Variants in ORC1 observed in about 807,000 individuals in gnomAD.
The protein encoded by ORC1 is origin recognition complex subunit 1.
Under a neutral mutation model 98.9 loss-of-function variants are expected in ORC1, and 61 were observed. The observed-to-expected ratio is 0.62, with a 90% confidence interval of 0.50 to 0.76. The LOEUF (loss-of-function observed/expected upper bound fraction) is 0.76. Among genes scored for constraint, ORC1 ranks in the 30% least tolerant of loss-of-function variants. The pLI is 0.00. For synonymous variants in ORC1, 385 were observed against 406.9 expected (o/e 0.95, Z 0.65); for missense variants, 979 against 1,072.2 (o/e 0.91, Z 1.21).
intron 6 of ORC1, 143 bp from the exon 7 acceptor site, chr1:52,389,464 A>T: frequency 1.5e-6 from 1 of 674,814 alleles, no homozygotes; most frequent in South Asian, 1.6e-5. Flanking sequence ...CTTTCTGCTA[A>T]AAAGTTGGCA....
rs61756138 is a variant in ORC1 at position 52,375,430 on chromosome 1, T to C, written c.2303A>G (p.Lys768Arg). The change falls in exon 15 of 17, where the codon AAA (lysine) becomes AGA (arginine). Residue 768 changes from lysine (K) to arginine (R), a missense_variant and splice_region_variant. By Grantham distance (26) the Lys-to-Arg change is conservative. Transcript: ENST00000371568. ...MFSSSYITAI[K>R]NSSVLEQSFL... ...AGGCTCAGGAAGTGGAGCATCTTAC[T>C]TGATGGCCGTGATGTATGATGATGA... is the stretch of plus-strand genomic sequence containing the variant. 20 of 1,614,116 alleles carry C rather than the reference T, an allele frequency of 1.2e-5. No individual in the cohort carries two copies. The Admixed American group carries it at 2.5e-4, about 20-fold the overall frequency.
chr1:52,404,632 C>A (rs948617649), upstream of ORC1: 2 of 1,151,394 alleles, frequency 1.7e-6, no homozygotes, highest in African/African-American at 1.6e-5. Flanking sequence ...TCAAGATGGT[C>A]GCCTAAGCTG....
At chr1:52,407,142 C>CA (rs1184541148), upstream of ORC1, among the ~76,000 whole-genome samples, 5 of 151,646 alleles carry the variant, frequency 3.3e-5, no homozygotes, top group Admixed American at 3.3e-4. Context: ...CTCAGCCTCC[C>CA]AAGTAGCTGG....
intron 3 of ORC1, among the ~76,000 whole-genome samples, chr1:52,398,546 G>A (rs1383759218): frequency 2.0e-5 from 3 of 151,962 alleles, no homozygotes; most frequent in Non-Finnish European, 4.4e-5. Flanking sequence ...TTACAGGCAT[G>A]AGCCACCATG....
chr1:52,395,912 T>C, intron 5 of ORC1, 134 bp downstream of exon 5: 1 of 1,463,328 alleles, frequency 6.8e-7, no homozygotes, highest in East Asian at 2.5e-5. Flanking sequence ...GAAGGATTGC[T>C]TGAGCATGAT....
chr1:52,390,618 G>A (rs1337645752), intron 6 of ORC1, among the ~76,000 whole-genome samples: 2 of 152,100 alleles, frequency 1.3e-5, no homozygotes, highest in African/African-American at 4.8e-5. Flanking sequence ...CCAACATGGT[G>A]AAACCCTGTC....
chr1:52,408,424 C>G (rs559363487), upstream of ORC1: 3 of 1,061,874 alleles, frequency 2.8e-6, no homozygotes, highest in Non-Finnish European at 4.3e-6. Flanking sequence ...TGTCTTTCTT[C>G]TGCTGCATTC....
intron 3 of ORC1, among the ~76,000 whole-genome samples, chr1:52,399,839 A>ACACG (rs766029887): frequency 6.6e-6 from 1 of 151,026 alleles, no homozygotes; most frequent in Non-Finnish European, 1.5e-5. Context: ...ACACACACAC[A>ACACG]AGAATTACAG....
At position 52,383,573 on chromosome 1, in the gene ORC1, C is replaced by T; in HGVS notation, c.1864-4G>A. 6.2e-7 allele frequency: 1 copy of T among 1,613,998 alleles called. No individual in the cohort carries two copies. The highest frequency in any genetic ancestry group is 1.3e-5 in the African/African-American group (1 of 75,036). The stretch of plus-strand genomic sequence containing the variant: ...TGTGAGTCCACAGAAGGTCGAGCTG[C>T]CAGGGCAAAGGAGAGAGGTGCAGAG... On this transcript the variant is annotated splice_polypyrimidine_tract_variant and splice_region_variant and intron_variant, in intron 12 of 16. Transcript: ENST00000371568.
Position 52,383,850 on chromosome 1 carries a change from T to C in ORC1, c.1843A>G (p.Thr615Ala), listed in dbSNP as rs1647105942. Residue 615 changes from threonine to alanine, a missense_variant, in exon 12 of 17, where the codon ACC becomes GCC. Physicochemically the swap from Thr to Ala is moderately conservative, Grantham distance 58. Coordinates refer to ENST00000371568, the MANE Select transcript of ORC1 (RefSeq NM_004153.4). Reference sequence around the variant, plus strand: ...CTCACCTCATCCACAAGCAGGACGGTGGTTTCCTGAGGTGACCCTCGGGTG... The same window carrying C: ...CTCACCTCATCCACAAGCAGGACGGCGGTTTCCTGAGGTGACCCTCGGGTG... ...FCTRGSPQET[T>A]VLLVDELDLL... 2 of 1,613,948 alleles carry C rather than the reference T, an allele frequency of 1.2e-6. No individual in the cohort carries two copies. The highest frequency in any genetic ancestry group is 1.7e-6 in the Non-Finnish European group (2 of 1,179,890).
chr1:52,398,422 C>A (rs1647529978), intron 3 of ORC1, among the ~76,000 whole-genome samples: 1 of 151,684 alleles, frequency 6.6e-6, no homozygotes, highest in Admixed American at 6.6e-5. Flanking sequence ...TGCCACCACG[C>A]CTGGCTAATT....
intron 16 of ORC1, among the ~76,000 whole-genome samples, chr1:52,374,158 G>A (rs549354687): frequency 9.2e-5 from 14 of 152,334 alleles, no homozygotes; most frequent in African/African-American, 3.1e-4. Flanking sequence ...CTGCAGAAGA[G>A]CTATCTCAGA....
At chr1:52,402,620 A>T (rs1357210024) in intron 1 of ORC1, among the ~76,000 whole-genome samples, 1 of 152,238 alleles carries the variant, frequency 6.6e-6, no homozygotes, top group Non-Finnish European at 1.5e-5. Flanking sequence ...GACGCTTATA[A>T]AATGCACACA....
intron 14 of ORC1, among the ~76,000 whole-genome samples, chr1:52,377,703 CAAAAAAAAAA>C (rs58266239): frequency 1.7e-5 from 1 of 58,774 alleles, no homozygotes; most frequent in African/African-American, 5.4e-5. Flanking sequence ...CCCCTAGAAG[CAAAAAAAAAA>C]AAAAAAAAAA....
chr1:52,409,300 C>T (rs530381484), upstream of ORC1, among the ~76,000 whole-genome samples: 3 of 152,310 alleles, frequency 2.0e-5, no homozygotes, highest in African/African-American at 7.2e-5. Flanking sequence ...CTACATGTAT[C>T]ATTAAACAGT....
upstream of ORC1, chr1:52,409,420 C>T (rs531663929): frequency 2.6e-5 from 4 of 152,318 alleles, no homozygotes; most frequent in African/African-American, 4.8e-5. Context: ...AGACCAGCCT[C>T]GTCAGTATGG....
Position 52,383,451 on chromosome 1 carries a change from C to A in ORC1, c.1982G>T (p.Arg661Leu), listed in dbSNP as rs779000600. The A allele has an allele frequency of 6.2e-7, 1 of 1,613,008 alleles. No homozygotes were observed. Among genetic ancestry groups the A allele is most frequent in the Non-Finnish European group, 8.5e-7 (1 of 1,180,036 alleles). The change falls in exon 13 of 17, where the codon CGA (arginine) becomes CTA (leucine). Residue 661 changes from arginine to leucine, a missense_variant. Arg to Leu is a moderately radical substitution (Grantham distance 102). Transcript: ENST00000371568. ...GCTGGACACCCGGTTCATCATGATT[C>A]GCTCTGGCAGGTCCATTGTGTTGGC... is the stretch of plus-strand genomic sequence containing the variant. ...AIANTMDLPE[R>L]IMMNRVSSRL...
At chr1:52,394,257 G>A (rs542138744) in intron 5 of ORC1, among the ~76,000 whole-genome samples, 17 of 152,306 alleles carry the variant, frequency 1.1e-4, no homozygotes, top group Non-Finnish European at 2.2e-4. Context: ...GGTTCCTGGG[G>A]ACAATCCACT....
intron 14 of ORC1, among the ~76,000 whole-genome samples, chr1:52,379,855 C>T (rs1647038672): frequency 6.6e-6 from 1 of 151,984 alleles, no homozygotes; most frequent in Admixed American, 6.6e-5. Context: ...ATGGCTTGAA[C>T]AAGGGAGGTG....
Sources: allele counts gnomAD v4.1 joint callset (sites outside exome capture counted in the v4.1 genomes callset), GRCh38; gene constraint gnomAD v4.1.1; transcripts MANE v1.5; gene names NCBI Gene and HGNC (gene_info 2026-07-23, HGNC 2026-07-21).